TUBE1: variants seen among roughly 807,000 people sequenced by gnomAD.
The protein encoded by TUBE1 is tubulin epsilon 1, also known as tubulin epsilon chain.
TUBE1 carries 34 observed loss-of-function variants against 53.5 expected under a neutral mutation model. The observed-to-expected ratio is 0.64, with a 90% CI of 0.48 to 0.85. The LOEUF (loss-of-function observed/expected upper bound fraction) is 0.85, where lower values mean the gene tolerates loss of function less well. Among genes scored for constraint, TUBE1 ranks in the 40% least tolerant of loss-of-function variants. TUBE1 has a pLI of 0.00. For missense variants in TUBE1, 532 were observed against 570.5 expected, an observed-to-expected ratio of 0.93 and a Z score of 0.69; for synonymous variants, 177 against 198.4, an observed-to-expected ratio of 0.89 and a Z score of 0.91.
In TUBE1 at chr6:112,070,862, G is replaced by A. The variant is rs1554315179; in HGVS notation, c.*550C>T. ...AAAGTTTAATACAAATACATGTTAA[G>A]TGTACAAATTAGGATTCTTTTGGGC... is the stretch of plus-strand genomic sequence containing the variant. On this transcript the variant is annotated 3_prime_UTR_variant, in exon 12 of 12. Transcript: ENST00000368662. The A allele has an allele frequency of 6.6e-6, 1 of 152,106 alleles. No homozygotes were observed. Among genetic ancestry groups the A allele is most frequent in the African/African-American group, 2.4e-5 (1 of 41,452 alleles). The allele number at this position is 152,106 out of a possible 1,614,324, so 9.4% of individuals were successfully genotyped here.
chr6:112,086,566 C>T lies in TUBE1; in HGVS notation c.142G>A (p.Val48Met), dbSNP rs1777160602. Residue 48 changes from valine (V) to methionine (M), a missense_variant, in exon 3 of 12, where the codon GTG becomes ATG. By Grantham distance (21) the Val-to-Met change is conservative. Coordinates refer to ENST00000368662, the MANE Select transcript of TUBE1 (RefSeq NM_016262.5). ...TTAATCCCATCTTACCTGGTGTCCACATTTCTAAAGAAGCTGCTTATTGCC... is the reference window on the plus strand; with the variant it reads ...TTAATCCCATCTTACCTGGTGTCCATATTTCTAAAGAAGCTGCTTATTGCC... Reference protein sequence around the residue: ...DEAISSFFRNVDTRVVGDGGS... With the variant: ...DEAISSFFRNMDTRVVGDGGS... The T allele has an allele frequency of 6.2e-6, 10 of 1,612,668 alleles. No homozygotes were observed. The highest frequency in any genetic ancestry group is 7.6e-6 in the Non-Finnish European group (9 of 1,178,990).
intron 10 of TUBE1, among the ~76,000 whole-genome samples, 160 bp downstream of exon 10, chr6:112,072,598 C>T (rs186867831): frequency 6.6e-6 from 1 of 152,230 alleles, no homozygotes; most frequent in Admixed American, 6.5e-5. Context: ...CCTTATTTTA[C>T]ACTTGAAGAA....
chr6:112,071,885 AGCT>A lies in TUBE1; in HGVS notation c.1269+14_1269+16del, dbSNP rs1554315379. On this transcript the variant is annotated intron_variant, in intron 11 of 11. Transcript: ENST00000368662. Reference sequence around the variant, plus strand: ...CCAAAATAAACACATACAGTTACAAAGCTGTACAATAATTACCTTTTTCTTGTA... The same window carrying A: ...CCAAAATAAACACATACAGTTACAAAGTACAATAATTACCTTTTTCTTGTA... The A allele has an allele frequency of 7.0e-6, 11 of 1,581,786 alleles. No individual in the cohort carries two copies. In the Admixed American group the frequency reaches 2.1e-4, roughly 30 times the overall value.
intron 2 of TUBE1, chr6:112,086,984 C>T (rs1325847839): frequency 1.1e-4 from 58 of 551,732 alleles, no homozygotes; most frequent in Non-Finnish European, 6.4e-5. Context: ...TCTCACTGTT[C>T]TGCACACGAA....
chr6:112,078,731 C>T (rs1554316364), intron 6 of TUBE1: 1 of 151,942 alleles, frequency 6.6e-6, no homozygotes, highest in African/African-American at 2.4e-5. Context: ...AAAGCTAGCT[C>T]AAATTTGCAG....
chr6:112,077,184 T>C (rs1776985478), intron 6 of TUBE1: 1 of 152,202 alleles, frequency 6.6e-6, no homozygotes, highest in African/African-American at 2.4e-5. Flanking sequence ...GTATATAATC[T>C]TGATGAAAAA....
intron 9 of TUBE1, 23 bp from the exon 10 acceptor site, chr6:112,072,921 GT>G: frequency 6.2e-7 from 1 of 1,609,338 alleles, no homozygotes; most frequent in Non-Finnish European, 8.5e-7. Flanking sequence ...AATTGTCATT[GT>G]TTATACAAAA....
chr6:112,071,596 T>C (rs1554315345), intron 11 of TUBE1, 26 bp from the exon 12 acceptor site: 1 of 1,557,400 alleles, frequency 6.4e-7, no homozygotes, highest in Admixed American at 1.8e-5. Flanking sequence ...TTAGGTAACG[T>C]TTACCATTTC....
chr6:112,073,068 C>T (rs1300619424), intron 9 of TUBE1, among the ~76,000 whole-genome samples, 170 bp from the exon 10 acceptor site: 2 of 151,866 alleles, frequency 1.3e-5, no homozygotes, highest in African/African-American at 4.8e-5. Context: ...TTTCTTGAAG[C>T]AATCTTAATG....
At chr6:112,085,152 T>A (rs1562606430) in intron 3 of TUBE1, among the ~76,000 whole-genome samples, 1 of 152,234 alleles carries the variant, frequency 6.6e-6, no homozygotes, top group Non-Finnish European at 1.5e-5. Flanking sequence ...TGCCAACCCA[T>A]GCTGTAGGTA....
intron 8 of TUBE1, chr6:112,075,394 T>A (rs1776948387): frequency 6.6e-6 from 1 of 152,348 alleles, no homozygotes; most frequent in African/African-American, 2.4e-5. Context: ...GTAATCAATA[T>A]ACTATTATAG....
chr6:112,072,131 TGCCATATAATG>T, intron 10 of TUBE1, 55 bp from the exon 11 acceptor site: 1 of 1,366,848 alleles, frequency 7.3e-7, no homozygotes, highest in Non-Finnish European at 1.0e-6. Context: ...TAAAAATGTC[TGCCATATAATG>T]GCAGCTCATA....
Position 112,076,467 on chromosome 6 carries a change from T to G in TUBE1, c.491A>C (p.Glu164Ala). Reference sequence around the variant, plus strand: ...TCTGTATACTTCTGGGAATTCGTCTTCAAGCACCTTTAAAAGAAATGTGCC... The same window carrying G: ...TCTGTATACTTCTGGGAATTCGTCTGCAAGCACCTTTAAAAGAAATGTGCC... ...GLGTFLLKVLEDEFPEVYRFV... is the reference protein window; with the variant it reads ...GLGTFLLKVLADEFPEVYRFV... The change falls in exon 7 of 12, where the codon GAA becomes GCA. Residue 164 changes from glutamate (E) to alanine (A), a missense_variant. Transcript: ENST00000368662. 6.2e-7 allele frequency: 1 copy of G among 1,612,336 alleles called. No homozygotes were observed. The highest frequency in any genetic ancestry group is 8.5e-7 in the Non-Finnish European group (1 of 1,179,450).
intron 4 of TUBE1, 33 bp downstream of exon 4, chr6:112,084,156 T>C (rs1010203262): frequency 4.7e-6 from 7 of 1,491,982 alleles, no homozygotes; most frequent in African/African-American, 1.4e-5. Context: ...AAAAAATACA[T>C]GTAATATAAG....
chr6:112,081,048 AT>A (rs781919126), intron 5 of TUBE1, 43 bp downstream of exon 5: 5 of 1,245,112 alleles, frequency 4.0e-6, no homozygotes, highest in Non-Finnish European at 3.5e-6. Flanking sequence ...AAGATTGCTC[AT>A]TTTTTTCAGA....
At chr6:112,077,517 T>C (rs1197136200) in intron 6 of TUBE1, 10 of 152,176 alleles carry the variant, frequency 6.6e-5, no homozygotes, top group Admixed American at 6.5e-4. Context: ...AGATGTAGTA[T>C]GAGTAAATAA....
At chr6:112,075,868 C>T (rs782255866) in intron 8 of TUBE1, 69 bp downstream of exon 8, 17 of 1,351,506 alleles carry the variant, frequency 1.3e-5, no homozygotes, top group South Asian at 1.6e-5. Flanking sequence ...CTAAAAAATG[C>T]TACTACAAAA....
chr6:112,071,374 A>C lies in TUBE1; in HGVS notation c.*38T>G. 2 of 1,441,764 alleles carry C rather than the reference A, an allele frequency of 1.4e-6. No homozygotes were observed. The highest frequency in any genetic ancestry group is 1.8e-6 in the Non-Finnish European group (2 of 1,082,498). 89.3% of individuals were successfully genotyped at this position (1,441,764 alleles called of 1,614,324 possible). ...TTGAAACAGAAAGGTCAGAAAAAAC[A>C]ATGTGAAATTAAGAAAGTATTTTTG... On this transcript the variant is annotated 3_prime_UTR_variant, in exon 12 of 12. Coordinates refer to ENST00000368662, the MANE Select transcript of TUBE1 (RefSeq NM_016262.5).
chr6:112,079,186 T>G (rs782530136), intron 6 of TUBE1, among the ~76,000 whole-genome samples: 8 of 151,832 alleles, frequency 5.3e-5, no homozygotes, highest in African/African-American at 9.7e-5. Flanking sequence ...AAGAAAGGTT[T>G]GAAGATGGTT....
Sources: allele counts gnomAD v4.1 joint callset (sites outside exome capture counted in the v4.1 genomes callset), GRCh38; gene constraint gnomAD v4.1.1; transcripts MANE v1.5; gene names NCBI Gene and HGNC (gene_info 2026-07-23, HGNC 2026-07-21).